The following KMT2A variants were observed in gnomAD, a reference collection of about 807,000 sequenced individuals.
The protein encoded by KMT2A is histone-lysine N-methyltransferase 2A.
In KMT2A, 16 loss-of-function variants were observed where a neutral mutation model predicts 345.3. The ratio of observed to expected loss-of-function variants is 0.05; its 90% CI spans 0.03 to 0.07. KMT2A has a LOEUF of 0.07. Ranked by LOEUF, KMT2A falls within the 10% of genes least tolerant of loss-of-function variation. The pLI, the probability that KMT2A is intolerant of heterozygous loss-of-function variation, is 1.00. For missense variants in KMT2A, 3,272 were observed against 4,841.6 expected (o/e 0.68, Z 9.62); for synonymous variants, 1,599 against 1,778.6 (o/e 0.90, Z 2.54).
rs782639231 is a variant in KMT2A, at chr11:118,505,179, C to T, written c.9287C>T (p.Thr3096Ile). Reference sequence around the variant, plus strand: ...ATGCAGCCACTTTATGTTCTCCAAACTCTTCCAAATGGAGTGACCCAAAAA... The same window carrying T: ...ATGCAGCCACTTTATGTTCTCCAAATTCTTCCAAATGGAGTGACCCAAAAA... ...QNMQPLYVLQ[T>I]LPNGVTQKIQ... The change falls in exon 27 of 36, where the codon ACT becomes ATT. Residue 3096 changes from threonine (T) to isoleucine (I), a missense_variant. By Grantham distance (89) the Thr-to-Ile change is moderately conservative. This residue lies in a region of KMT2A where 748 missense variants were observed against 922.2 expected (regional missense o/e 0.81). Transcript: ENST00000534358. The surrounding 1 kb of genome is among the most constrained non-coding windows in gnomAD (Gnocchi z 4.6). 6.2e-7 allele frequency: 1 copy of T among 1,614,156 alleles called. No individual in the cohort carries two copies. Among genetic ancestry groups the T allele is most frequent in the Non-Finnish European group, 8.5e-7 (1 of 1,180,020 alleles).
In KMT2A at chr11:118,473,749, G is replaced by A; in HGVS notation, c.2590G>A (p.Ala864Thr). The A allele has an allele frequency of 1.2e-6, 2 of 1,613,994 alleles. No individual in the cohort carries two copies. The highest frequency in any genetic ancestry group is 3.3e-5 in the Admixed American group (2 of 59,996). The change falls in exon 3 of 36, where the codon GCT becomes ACT. Residue 864 changes from alanine (A) to threonine (T), a missense_variant. Coordinates refer to ENST00000534358, the MANE Select transcript of KMT2A (RefSeq NM_001197104.2). The surrounding 1 kb of genome is among the most constrained non-coding windows in gnomAD (Gnocchi z 5.2). ...CGAGGAGCTGTCCAAAGATCGAGATGCTGACAAGAGCGTGGAGAAGGACAA... is the reference window on the plus strand; with the variant it reads ...CGAGGAGCTGTCCAAAGATCGAGATACTGACAAGAGCGTGGAGAAGGACAA... ...APEELSKDRDADKSVEKDKSR... is the reference protein window; with the variant it reads ...APEELSKDRDTDKSVEKDKSR...
intron 24 of KMT2A, chr11:118,500,619 T>A (rs557021774): frequency 2.8e-4 from 44 of 158,988 alleles, no homozygotes; most frequent in Non-Finnish European, 4.8e-4. Flanking sequence ...GCCCTTTGTT[T>A]TATTTTCAGG....
Position 118,484,443 on chromosome 11 carries a change from C to CAGGT in KMT2A, c.4218+130_4218+133dup. On this transcript the variant is annotated intron_variant, in intron 9 of 35. Transcript: ENST00000534358. The surrounding 1 kb of genome is among the most constrained non-coding windows in gnomAD (Gnocchi z 4.1). ...GGGAATGAATAAGAACTCCCATTAG[C>CAGGT]AGGTGGGTTTAGCGCTGGGAGAGCT... 1 of 988,824 alleles carries CAGGT rather than the reference C, an allele frequency of 1.0e-6. No homozygotes were observed. Among genetic ancestry groups the CAGGT allele is most frequent in the Non-Finnish European group, 1.5e-6 (1 of 674,580 alleles). The allele number at this position is 988,824 out of a possible 1,614,324, so 61.3% of individuals were successfully genotyped here.
At chr11:118,437,175 T>TC (rs1362334966) in intron 1 of KMT2A, among the ~76,000 whole-genome samples, 2 of 108,040 alleles carry the variant, frequency 1.9e-5, no homozygotes, top group Non-Finnish European at 3.7e-5. Flanking sequence ...CCCGCTCTCC[T>TC]CCCCCTGACC....
intron 1 of KMT2A, among the ~76,000 whole-genome samples, chr11:118,444,950 T>C (rs1949388463): frequency 6.6e-6 from 1 of 152,224 alleles, no homozygotes; most frequent in South Asian, 2.1e-4. Context: ...CATAGTCTCA[T>C]TGTGAGGCTT....
chr11:118,486,998 T>C (rs1438111469), intron 10 of KMT2A, among the ~76,000 whole-genome samples: 1 of 152,220 alleles, frequency 6.6e-6, no homozygotes, highest in Non-Finnish European at 1.5e-5. Context: ...CCTGCCCACT[T>C]GCCATTTGAA....
In KMT2A at chr11:118,482,508, T is replaced by G. The variant is rs373610224; in HGVS notation, c.4086+13T>G. Reference sequence around the variant, plus strand: ...ACCAAAAGAAAAGGTGAGGAGAGATTTGTTTCTCTGCCATTTCTCAGGGAT... The same window carrying G: ...ACCAAAAGAAAAGGTGAGGAGAGATGTGTTTCTCTGCCATTTCTCAGGGAT... On this transcript the variant is annotated intron_variant, in intron 8 of 35. Transcript: ENST00000534358. 5 of 1,579,668 alleles carry G rather than the reference T, an allele frequency of 3.2e-6. No homozygotes were observed. Among genetic ancestry groups the G allele is most frequent in the Non-Finnish European group, 2.6e-6 (3 of 1,149,994 alleles).
chr11:118,488,165 G>A (rs962068681), intron 10 of KMT2A, among the ~76,000 whole-genome samples: 12 of 152,232 alleles, frequency 7.9e-5, no homozygotes, highest in Non-Finnish European at 1.6e-4. Context: ...GGGCGACAGC[G>A]AGACTCCGTC....
intron 1 of KMT2A, among the ~76,000 whole-genome samples, chr11:118,459,670 A>ATT (rs1167349535): frequency 1.4e-5 from 2 of 146,002 alleles, no homozygotes; most frequent in African/African-American, 5.0e-5. Context: ...ATTGAAAATA[A>ATT]TTTTTTTTTT....
chr11:118,439,158 C>CAAAAAAAAAAAAAAGAA, intron 1 of KMT2A: 5 of 265,446 alleles, frequency 1.9e-5, no homozygotes, highest in African/African-American at 6.7e-5. Context: ...GATACAGCAG[C>CAAAAAAAAAAAAAAGAA]AAAAAAAAAA....
rs1565304802 is a variant in KMT2A, at chr11:118,504,533, G to A, written c.8641G>A (p.Gly2881Ser). 6.2e-7 allele frequency: 1 copy of A among 1,614,224 alleles called. No individual in the cohort carries two copies. The highest frequency in any genetic ancestry group is 8.5e-7 in the Non-Finnish European group (1 of 1,180,036). ...ESSSSELLNL[G>S]EGLGLDSNRE... ...ATCTTCATCAGAACTCCTGAATCTT[G>A]GTGAAGGATTGGGTCTTGACAGTAA... Residue 2881 changes from glycine (G) to serine (S), a missense_variant, in exon 27 of 36, where the codon GGT (glycine) becomes AGT (serine). Physicochemically the swap from Gly to Ser is moderately conservative, Grantham distance 56. Transcript: ENST00000534358. The surrounding 1 kb of genome is among the most constrained non-coding windows in gnomAD (Gnocchi z 6.4).
intron 1 of KMT2A, among the ~76,000 whole-genome samples, chr11:118,467,418 G>A (rs1354304046): frequency 6.6e-6 from 1 of 151,774 alleles, no homozygotes; most frequent in African/African-American, 2.4e-5. Context: ...AGATGTCTTT[G>A]AAGAGGAGAA....
At chr11:118,441,292 A>T (rs1220346430) in intron 1 of KMT2A, among the ~76,000 whole-genome samples, 1 of 151,866 alleles carries the variant, frequency 6.6e-6, no homozygotes, top group African/African-American at 2.4e-5. Context: ...TTAATATCAG[A>T]TTATACATTT....
At chr11:118,449,643 GTTATTT>G (rs1555028229) in intron 1 of KMT2A, 2 of 151,132 alleles carry the variant, frequency 1.3e-5, no homozygotes, top group Non-Finnish European at 2.9e-5. Flanking sequence ...AGGCTTCAGT[GTTATTT>G]TGCCAAGAAG....
intron 1 of KMT2A, among the ~76,000 whole-genome samples, chr11:118,455,903 T>C (rs1392489479): frequency 6.6e-6 from 1 of 152,136 alleles, no homozygotes; most frequent in African/African-American, 2.4e-5. Flanking sequence ...TTGCCCAGGC[T>C]GGTCTTGAAC....
At position 118,495,729 on chromosome 11, in the gene KMT2A, C is replaced by T. The variant is rs1193463579; in HGVS notation, c.5393C>T (p.Pro1798Leu). 6.2e-7 allele frequency: 1 copy of T among 1,612,400 alleles called. No individual in the cohort carries two copies. Among genetic ancestry groups the T allele is most frequent in the African/African-American group, 1.3e-5 (1 of 74,846 alleles). The change falls in exon 19 of 36, where the codon CCA becomes CTA. Residue 1798 changes from proline to leucine, a missense_variant. Around this residue, in one of 27 missense-constraint regions of KMT2A, gnomAD observed 235 missense variants for 503.4 expected, o/e 0.47. Transcript: ENST00000534358. This position sits in a 1 kb window ranked among gnomAD's most constrained non-coding sequence, Gnocchi z 4.1. ...GGGATGTTACCAAACGCAGTGCTTC[C>T]ACCTTCACTTGACCATAATTATGCT... ...NSGMLPNAVL[P>L]PSLDHNYAQW...
intron 1 of KMT2A, 54 bp from the exon 2 acceptor site, chr11:118,468,721 T>A: frequency 7.2e-7 from 1 of 1,379,428 alleles, no homozygotes; most frequent in Middle Eastern, 1.8e-4. Flanking sequence ...CTTTGGGATG[T>A]GTTTGTATGC....
chr11:118,462,184 C>T (rs1326402814), intron 1 of KMT2A, among the ~76,000 whole-genome samples: 1 of 152,004 alleles, frequency 6.6e-6, no homozygotes, highest in Non-Finnish European at 1.5e-5. Flanking sequence ...GAACTCCTGG[C>T]CTCAGGTGAC....
In KMT2A at chr11:118,524,031, C is replaced by CTT. The variant is rs1555054616; in HGVS notation, c.*1861_*1862dup. 5.1e-6 allele frequency: 1 copy of CTT among 197,718 alleles called. No individual in the cohort carries two copies. Among genetic ancestry groups the CTT allele is most frequent in the African/African-American group, 2.3e-5 (1 of 43,322 alleles). 12.2% of individuals were successfully genotyped at this position (197,718 alleles called of 1,614,324 possible). On this transcript the variant is annotated 3_prime_UTR_variant, in exon 36 of 36. Transcript: ENST00000534358. ...ACGGCAATCTTTACATTTCCCTCAT[C>CTT]TTTCTTACTTCAGAGTTAGCAAACA...
Sources: gnomAD v4.1 joint callset for allele counts (sites outside exome capture counted in the v4.1 genomes callset) on GRCh38, gnomAD v4.1.1 for gene constraint, gnomAD v4.1.1 regional missense constraint, Gnocchi (gnomAD v3.1) non-coding constraint, MANE v1.5 for transcripts, NCBI Gene and HGNC (gene_info 2026-07-23, HGNC 2026-07-21) for gene names.